The following SGCG variants were observed in gnomAD, a reference collection of about 807,000 sequenced individuals.
The protein encoded by SGCG is sarcoglycan gamma.
SGCG carries 26 observed loss-of-function variants against 29.3 expected under a neutral mutation model. That is an observed-to-expected ratio of 0.89 (90% confidence interval 0.65 to 1.23). SGCG has a LOEUF of 1.23. SGCG is among the 50% of genes most tolerant of loss of function. The pLI is 0.00. For missense variants in SGCG, 353 were observed against 356.0 expected (o/e 0.99, Z 0.07); for synonymous variants, 145 against 129.7 (o/e 1.12, Z -0.80).
intron 7 of SGCG, among the ~76,000 whole-genome samples, chr13:23,323,095 G>A (rs1392599120): frequency 6.6e-6 from 1 of 152,162 alleles, no homozygotes; most frequent in Non-Finnish European, 1.5e-5. Flanking sequence ...TGCGAGAACA[G>A]CACCAGAGTG....
At chr13:23,304,539 A>G (rs984797396) in intron 6 of SGCG, among the ~76,000 whole-genome samples, 7 of 151,676 alleles carry the variant, frequency 4.6e-5, no homozygotes, top group Non-Finnish European at 1.0e-4. Flanking sequence ...TTGTAATTCT[A>G]TTGCACCGGT....
intron 4 of SGCG, among the ~76,000 whole-genome samples, chr13:23,252,622 CG>C (rs2137572018): frequency 6.6e-6 from 1 of 152,108 alleles, no homozygotes; most frequent in African/African-American, 2.4e-5. Flanking sequence ...ACCCGGGAGG[CG>C]GAGCTTGCAG....
chr13:23,225,542 G>A (rs1417766010), intron 2 of SGCG, among the ~76,000 whole-genome samples: 1 of 151,884 alleles, frequency 6.6e-6, no homozygotes, highest in African/African-American at 2.4e-5. Flanking sequence ...CTCTGATTTG[G>A]CTTGTGGGAG....
At chr13:23,211,384 C>T (rs1157849715) in intron 2 of SGCG, among the ~76,000 whole-genome samples, 1 of 152,072 alleles carries the variant, frequency 6.6e-6, no homozygotes, top group Non-Finnish European at 1.5e-5. Flanking sequence ...CTGCATCCAC[C>T]ACTTAAGTAA....
rs114084119 is a variant in SGCG, at chr13:23,273,935, T to C, written c.386-5424T>C. On this transcript the variant is annotated intron_variant, in intron 4 of 7. Transcript: ENST00000218867. ...GTCATCTCCTCACTTGTTATTCCAC[T>C]TGACCTGTCTTGTACTGAAAGTTGT... Among the ~76,000 whole-genome samples the C allele has an allele frequency of 7.7e-3, 1,168 of 152,320 alleles. 18 individuals are homozygous for C. The highest frequency in any genetic ancestry group is 0.026 in the African/African-American group (1,081 of 41,560).
intron 2 of SGCG, among the ~76,000 whole-genome samples, chr13:23,213,291 T>TCA (rs1878301959): frequency 2.0e-5 from 3 of 152,148 alleles, no homozygotes; most frequent in Admixed American, 2.0e-4. Context: ...CTGGCCTACA[T>TCA]GGCAAAACCC....
At chr13:23,299,687 C>A (rs1261615342) in intron 6 of SGCG, among the ~76,000 whole-genome samples, 1 of 151,228 alleles carries the variant, frequency 6.6e-6, no homozygotes, top group Non-Finnish European at 1.5e-5. Context: ...CTCCTGACCT[C>A]GTGATCTGCC....
intron 2 of SGCG, 65 bp downstream of exon 2, chr13:23,203,954 T>C: frequency 8.6e-7 from 1 of 1,166,566 alleles, no homozygotes. Flanking sequence ...TAGTCTGTAT[T>C]GTATTGATAG....
chr13:23,277,321 G>T (rs1023751754), intron 4 of SGCG, among the ~76,000 whole-genome samples: 2 of 151,868 alleles, frequency 1.3e-5, no homozygotes, highest in African/African-American at 4.8e-5. Flanking sequence ...AAATACATAG[G>T]CATATCAGTG....
At chr13:23,256,207 A>G (rs532197781) in intron 4 of SGCG, among the ~76,000 whole-genome samples, 1 of 152,202 alleles carries the variant, frequency 6.6e-6, no homozygotes, top group Non-Finnish European at 1.5e-5. Flanking sequence ...AACCAGAGAA[A>G]TAATTCTGGC....
intron 4 of SGCG, among the ~76,000 whole-genome samples, chr13:23,265,611 G>C (rs1443879826): frequency 6.6e-6 from 1 of 151,922 alleles, no homozygotes; most frequent in African/African-American, 2.4e-5. Flanking sequence ...GTAGGCAAAA[G>C]ACATTAATAG....
At chr13:23,262,793 T>C (rs957036051) in intron 4 of SGCG, among the ~76,000 whole-genome samples, 2 of 151,950 alleles carry the variant, frequency 1.3e-5, no homozygotes, top group African/African-American at 4.8e-5. Flanking sequence ...AAGAGCAAAA[T>C]AATATCAAGT....
rs1332585742 is a variant in SGCG at position 23,215,217 on chromosome 13, ATTC to A, written c.195+11331_195+11333del. 2.6e-5 allele frequency among the ~76,000 whole-genome samples: 4 copies of A among 152,188 alleles called. No individual in the cohort carries two copies. In the East Asian group the frequency reaches 7.7e-4, roughly 29 times the overall value. On this transcript the variant is annotated intron_variant, in intron 2 of 7. Coordinates refer to ENST00000218867, the MANE Select transcript of SGCG (RefSeq NM_000231.3). ...AGCTCACTTTCCTGTCACAGGGAAT[ATTC>A]TTATAACAAAATTAATGGGCTCCAG...
intron 7 of SGCG, among the ~76,000 whole-genome samples, chr13:23,323,016 C>T (rs1262970110): frequency 6.6e-6 from 1 of 152,066 alleles, no homozygotes; most frequent in Non-Finnish European, 1.5e-5. Context: ...TTTGAAACTA[C>T]ATTACTGTGA....
chr13:23,218,111 GA>G (rs962347985), intron 2 of SGCG, among the ~76,000 whole-genome samples: 1 of 151,994 alleles, frequency 6.6e-6, no homozygotes, highest in Non-Finnish European at 1.5e-5. Flanking sequence ...GATGATTTGA[GA>G]AAAAAACTTG....
intron 3 of SGCG, among the ~76,000 whole-genome samples, chr13:23,240,634 G>A (rs893169616): frequency 8.5e-5 from 13 of 152,114 alleles, no homozygotes; most frequent in Non-Finnish European, 1.6e-4. Flanking sequence ...ACCATAGTGG[G>A]TTTAATAAGA....
chr13:23,185,837 A>G (rs563690271), intron 1 of SGCG, among the ~76,000 whole-genome samples: 6 of 152,334 alleles, frequency 3.9e-5, no homozygotes, highest in African/African-American at 1.4e-4. Context: ...GTCATCAGCC[A>G]TCACTTCCAC....
chr13:23,303,314 T>C (rs9580596), intron 6 of SGCG, among the ~76,000 whole-genome samples: 1 of 152,186 alleles, frequency 6.6e-6, no homozygotes, highest in Non-Finnish European at 1.5e-5. Flanking sequence ...TAACTGGGAC[T>C]GGATGCACCA....
intron 5 of SGCG, among the ~76,000 whole-genome samples, chr13:23,283,633 A>T (rs1881390293): frequency 6.6e-6 from 1 of 152,140 alleles, no homozygotes; most frequent in Non-Finnish European, 1.5e-5. Context: ...TAATACTGTT[A>T]TGTGTGAATT....
Sources: gnomAD v4.1 joint callset for allele counts (sites outside exome capture counted in the v4.1 genomes callset) on GRCh38, gnomAD v4.1.1 for gene constraint, MANE v1.5 for transcripts, NCBI Gene and HGNC (gene_info 2026-07-23, HGNC 2026-07-21) for gene names.